Variants in CSMD1 observed in about 807,000 individuals in gnomAD.
CSMD1 encodes the protein CUB and Sushi multiple domains 1.
CSMD1 carries 213 observed loss-of-function variants against 417.5 expected under a neutral mutation model. The ratio of observed to expected loss-of-function variants is 0.51; its 90% CI spans 0.46 to 0.57. CSMD1 has a LOEUF of 0.57. CSMD1 is among the 20% of genes least tolerant of loss of function. CSMD1 has a pLI of 0.00. For missense variants in CSMD1, 6,923 were observed against 4,529.7 expected (o/e 1.53, Z -15.17); for synonymous variants, 2,862 against 1,736.8 (o/e 1.65, Z -16.11).
At chr8:4,519,302 A>G (rs1803299684) in intron 2 of CSMD1, among the ~76,000 whole-genome samples, 1 of 152,154 alleles carries the variant, frequency 6.6e-6, no homozygotes, top group Admixed American at 6.6e-5. Context: ...ATGGAAGAGT[A>G]CCTAAATGCA....
At chr8:4,158,532 T>C (rs1297593336) in intron 3 of CSMD1, among the ~76,000 whole-genome samples, 2 of 152,116 alleles carry the variant, frequency 1.3e-5, no homozygotes, top group Non-Finnish European at 2.9e-5. Flanking sequence ...ACAGTAATAT[T>C]AACACAGCCG....
At chr8:3,298,906 G>T (rs578006280) in intron 25 of CSMD1, among the ~76,000 whole-genome samples, 14 of 152,158 alleles carry the variant, frequency 9.2e-5, no homozygotes, top group Admixed American at 7.9e-4. Context: ...GTTACATGGG[G>T]GTGTTTCTTT....
At chr8:4,885,897 C>G (rs1803706011) in intron 1 of CSMD1, among the ~76,000 whole-genome samples, 1 of 152,060 alleles carries the variant, frequency 6.6e-6, no homozygotes. Flanking sequence ...TTTCTCCATG[C>G]TGACAAAGAT....
chr8:3,054,015 C>T (rs527533706), intron 49 of CSMD1, among the ~76,000 whole-genome samples: 1 of 152,234 alleles, frequency 6.6e-6, no homozygotes, highest in East Asian at 1.9e-4. Context: ...CATAATTCTA[C>T]ATATAAAGAA....
At chr8:4,906,812 C>T (rs959350294) in intron 1 of CSMD1, among the ~76,000 whole-genome samples, 3 of 152,180 alleles carry the variant, frequency 2.0e-5, no homozygotes, top group African/African-American at 4.8e-5. Flanking sequence ...CCTGCCTCGG[C>T]CTCCCATAGT....
At chr8:4,798,394 T>C (rs1036880246) in intron 1 of CSMD1, among the ~76,000 whole-genome samples, 9 of 152,198 alleles carry the variant, frequency 5.9e-5, no homozygotes, top group Non-Finnish European at 1.2e-4. Context: ...GCATTTTTAA[T>C]GACTAAAAAT....
At chr8:4,088,926 C>G (rs151335736) in intron 3 of CSMD1, among the ~76,000 whole-genome samples, 37 of 152,306 alleles carry the variant, frequency 2.4e-4, no homozygotes, top group African/African-American at 8.4e-4. Flanking sequence ...AAAAAGCACT[C>G]CCCTGCCAAG....
At chr8:4,095,554 C>G (rs754612666) in intron 3 of CSMD1, among the ~76,000 whole-genome samples, 23 of 152,102 alleles carry the variant, frequency 1.5e-4, no homozygotes, top group African/African-American at 3.9e-4. Flanking sequence ...TTTTAAGGAA[C>G]TGGGAATAAA....
intron 1 of CSMD1, among the ~76,000 whole-genome samples, chr8:4,867,914 G>A (rs1802511512): frequency 6.6e-6 from 1 of 151,624 alleles, no homozygotes; most frequent in Non-Finnish European, 1.5e-5. Context: ...TTGAATTTTC[G>A]AGCTAAGACC....
intron 60 of CSMD1, 132 bp downstream of exon 60, chr8:2,963,090 A>G: frequency 1.0e-6 from 1 of 963,922 alleles, no homozygotes; most frequent in Non-Finnish European, 1.5e-6. Context: ...CTCAAGTTTG[A>G]GTTTTTGTGT....
chr8:3,029,374 C>T lies in CSMD1; in HGVS notation c.7800G>A (p.Leu2600=), dbSNP rs1374240111. 2 of 1,611,532 alleles carry T rather than the reference C, an allele frequency of 1.2e-6. No individual in the cohort carries two copies. The highest frequency in any genetic ancestry group is 3.4e-5 in the Admixed American group (2 of 59,620). Residue 2600 remains leucine, a synonymous_variant, in exon 51 of 70, where the codon CTG becomes CTA. Transcript: ENST00000635120. ...PGYYLEGWRL[L]RCQANGTWNI... ...TCCACGTCCCATTGGCCTGGCACCG[C>T]AGGAGCCTCCAGCCTTCTAAGTAGT...
chr8:4,245,314 T>C (rs1280727512), intron 3 of CSMD1, among the ~76,000 whole-genome samples: 1 of 152,172 alleles, frequency 6.6e-6, no homozygotes, highest in Non-Finnish European at 1.5e-5. Flanking sequence ...TAAAAGTATG[T>C]ACTTGGGCTT....
At chr8:3,005,924 C>A (rs1585133890) in intron 52 of CSMD1, among the ~76,000 whole-genome samples, 1 of 151,938 alleles carries the variant, frequency 6.6e-6, no homozygotes, top group South Asian at 2.1e-4. Flanking sequence ...CTGGCCAGGG[C>A]AATTAGGCAG....
chr8:3,134,264 G>C (rs1817953912), intron 41 of CSMD1, among the ~76,000 whole-genome samples: 2 of 152,196 alleles, frequency 1.3e-5, no homozygotes, highest in African/African-American at 4.8e-5. Context: ...CAAGGGCAAG[G>C]GTTCTGATGT....
chr8:3,575,137 G>C, intron 9 of CSMD1, 71 bp from the exon 10 acceptor site: 1 of 1,477,446 alleles, frequency 6.8e-7, no homozygotes, highest in Admixed American at 2.1e-5. Context: ...AACATTTATG[G>C]GAAATTTCAA....
intron 21 of CSMD1, among the ~76,000 whole-genome samples, chr8:3,352,150 T>G (rs1351273348): frequency 6.6e-6 from 1 of 152,044 alleles, no homozygotes; most frequent in Non-Finnish European, 1.5e-5. Flanking sequence ...CTGAGAAACA[T>G]GGGTGGGGAA....
At chr8:4,194,669 A>G (rs1233264987) in intron 3 of CSMD1, among the ~76,000 whole-genome samples, 1 of 152,202 alleles carries the variant, frequency 6.6e-6, no homozygotes, top group Non-Finnish European at 1.5e-5. Context: ...ATTTAATAAA[A>G]TGGGGAAAAG....
intron 1 of CSMD1, among the ~76,000 whole-genome samples, chr8:4,802,973 A>C (rs1246157765): frequency 6.6e-6 from 1 of 152,244 alleles, no homozygotes; most frequent in Non-Finnish European, 1.5e-5. Flanking sequence ...TTATATTTTC[A>C]GAATCTTTAT....
At chr8:4,801,864 T>G (rs536351401) in intron 1 of CSMD1, among the ~76,000 whole-genome samples, 1 of 152,224 alleles carries the variant, frequency 6.6e-6, no homozygotes, top group African/African-American at 2.4e-5. Flanking sequence ...CTACTGAGAC[T>G]TGGCAAGCCC....
Sources: gnomAD v4.1 joint callset for allele counts (sites outside exome capture counted in the v4.1 genomes callset) on GRCh38, gnomAD v4.1.1 for gene constraint, MANE v1.5 for transcripts, NCBI Gene and HGNC (gene_info 2026-07-23, HGNC 2026-07-21) for gene names.